DCC: variants seen among roughly 807,000 people sequenced by gnomAD.
DCC encodes DCC netrin 1 receptor.
In DCC, 58 loss-of-function variants were observed where a neutral mutation model predicts 172.5. The ratio of observed to expected loss-of-function variants is 0.34; its 90% CI spans 0.27 to 0.42. The LOEUF is 0.42. DCC is among the 10% of genes least tolerant of loss of function. DCC has a pLI of 1.00. For missense variants in DCC, 1,740 were observed against 1,791.0 expected (o/e 0.97, Z 0.51); for synonymous variants, 709 against 644.5 (o/e 1.10, Z -1.52).
intron 1 of DCC, among the ~76,000 whole-genome samples, chr18:52,744,677 C>T (rs547144210): frequency 6.6e-6 from 1 of 152,160 alleles, no homozygotes; most frequent in South Asian, 2.1e-4. Flanking sequence ...TGAGTGCACA[C>T]TTTCTCTCTC....
Position 52,974,074 on chromosome 18 carries a change from GA to G in DCC, c.985+48711del, listed in dbSNP as rs758896249. 8.6e-5 allele frequency among the ~76,000 whole-genome samples: 13 copies of G among 151,844 alleles called. 1 individual carries two copies. Among genetic ancestry groups the G allele is most frequent in the Admixed American group, 4.6e-4 (7 of 15,246 alleles). ...TTTATGCCAATGCTTATTTTTAATT[GA>G]AAAAAATACAGTGAAGAATATATTA... On this transcript the variant is annotated intron_variant, in intron 5 of 28. Coordinates refer to ENST00000442544, the MANE Select transcript of DCC (RefSeq NM_005215.4).
chr18:53,178,801 T>G (rs1479692981), intron 8 of DCC, among the ~76,000 whole-genome samples, 161 bp from the exon 9 acceptor site: 1 of 152,212 alleles, frequency 6.6e-6, no homozygotes, highest in East Asian at 1.9e-4. Flanking sequence ...AATTAGTTTA[T>G]TTTCTATAGA....
chr18:52,779,246 C>T (rs1170288481), intron 2 of DCC, among the ~76,000 whole-genome samples: 1 of 152,110 alleles, frequency 6.6e-6, no homozygotes, highest in Non-Finnish European at 1.5e-5. Flanking sequence ...TGGTGGCTTG[C>T]TGCACCCATC....
Position 52,690,792 on chromosome 18 carries a change from A to C in DCC, c.92-61262A>C, listed in dbSNP as rs987814756. Among the ~76,000 whole-genome samples the C allele has an allele frequency of 5.9e-5, 9 of 152,278 alleles. No individual in the cohort carries two copies. The East Asian group carries it at 1.7e-3, about 29-fold the overall frequency. The stretch of plus-strand genomic sequence containing the variant: ...AACCATGCTAGAAGAGGTCAGAAGG[A>C]AGTGAAATCAATTCTGTAGAAATTT... On this transcript the variant is annotated intron_variant, in intron 1 of 28. Transcript: ENST00000442544.
At chr18:52,850,595 CA>C (rs1320684919) in intron 2 of DCC, among the ~76,000 whole-genome samples, 1 of 152,046 alleles carries the variant, frequency 6.6e-6, no homozygotes, top group Non-Finnish European at 1.5e-5. Flanking sequence ...CTTGAAAAGA[CA>C]AAGATTAATG....
chr18:52,490,538 C>G (rs2030447054), intron 1 of DCC, among the ~76,000 whole-genome samples: 2 of 152,068 alleles, frequency 1.3e-5, no homozygotes, highest in Admixed American at 1.3e-4. Context: ...GGGAGCAGAG[C>G]TGGGACTAGA....
chr18:52,523,707 A>C (rs2031891726), intron 1 of DCC, among the ~76,000 whole-genome samples: 1 of 152,180 alleles, frequency 6.6e-6, no homozygotes, highest in South Asian at 2.1e-4. Flanking sequence ...CCTGTTGCAA[A>C]TTGTGAATTA....
At chr18:52,499,786 C>T (rs1372918231) in intron 1 of DCC, among the ~76,000 whole-genome samples, 1 of 152,118 alleles carries the variant, frequency 6.6e-6, no homozygotes, top group Non-Finnish European at 1.5e-5. Flanking sequence ...CCACACAGAG[C>T]TTCCTTCATT....
At chr18:53,342,522 T>C (rs1342156556) in intron 15 of DCC, among the ~76,000 whole-genome samples, 7 of 151,472 alleles carry the variant, frequency 4.6e-5, no homozygotes, top group Non-Finnish European at 1.0e-4. Context: ...TACAGTACAT[T>C]GTGTACATTA....
intron 2 of DCC, among the ~76,000 whole-genome samples, chr18:52,886,914 T>G (rs1018226056): frequency 2.0e-5 from 3 of 152,048 alleles, no homozygotes; most frequent in African/African-American, 7.2e-5. Flanking sequence ...TAGCTGTTTT[T>G]GCTTGTAGGT....
intron 12 of DCC, among the ~76,000 whole-genome samples, chr18:53,238,553 G>A (rs2056237950): frequency 6.6e-6 from 1 of 151,444 alleles, no homozygotes; most frequent in African/African-American, 2.4e-5. Context: ...TAAGCTTTTT[G>A]TGTCCAAGCT....
intron 1 of DCC, among the ~76,000 whole-genome samples, chr18:52,651,002 G>A (rs2035120774): frequency 6.6e-6 from 1 of 152,192 alleles, no homozygotes; most frequent in African/African-American, 2.4e-5. Flanking sequence ...AAAGCATATT[G>A]CTTTCATTCT....
At chr18:52,369,232 C>A in intron 1 of DCC, among the ~76,000 whole-genome samples, 1 of 151,516 alleles carries the variant, frequency 6.6e-6, no homozygotes, top group African/African-American at 2.4e-5. Flanking sequence ...TTCTATAATT[C>A]TTTGTGGGTT....
At chr18:53,383,208 G>A (rs1190014115) in intron 15 of DCC, among the ~76,000 whole-genome samples, 2 of 151,890 alleles carry the variant, frequency 1.3e-5, no homozygotes, top group Non-Finnish European at 2.9e-5. Flanking sequence ...TTTTATCTTA[G>A]CAATTATTAA....
At chr18:52,888,538 G>T (rs748133754) in intron 2 of DCC, among the ~76,000 whole-genome samples, 10 of 151,884 alleles carry the variant, frequency 6.6e-5, no homozygotes, top group Non-Finnish European at 1.3e-4. Context: ...CTTATTTCTA[G>T]ATCTATGTTC....
intron 8 of DCC, among the ~76,000 whole-genome samples, chr18:53,157,713 T>C (rs151253699): frequency 6.6e-6 from 1 of 152,304 alleles, no homozygotes; most frequent in Non-Finnish European, 1.5e-5. Context: ...ATTATCTGTA[T>C]AAAAAATCCT....
chr18:53,084,438 C>G (rs535841344), intron 7 of DCC, among the ~76,000 whole-genome samples: 1 of 152,284 alleles, frequency 6.6e-6, no homozygotes, highest in Non-Finnish European at 1.5e-5. Flanking sequence ...ATTAAATACA[C>G]TGCAAGTACC....
chr18:53,328,390 A>G (rs1458814683), intron 14 of DCC, among the ~76,000 whole-genome samples: 1 of 152,224 alleles, frequency 6.6e-6, no homozygotes, highest in Non-Finnish European at 1.5e-5. Flanking sequence ...TAAAGAGGGC[A>G]TAACAACAGT....
chr18:52,473,861 C>T (rs866693136), intron 1 of DCC, among the ~76,000 whole-genome samples: 4 of 152,166 alleles, frequency 2.6e-5, no homozygotes, highest in Middle Eastern at 3.4e-3. Context: ...GCCCTAGACT[C>T]AATCCCTCCT....
Sources: gnomAD v4.1 joint callset for allele counts (sites outside exome capture counted in the v4.1 genomes callset) on GRCh38, gnomAD v4.1.1 for gene constraint, MANE v1.5 for transcripts, NCBI Gene and HGNC (gene_info 2026-07-23, HGNC 2026-07-21) for gene names.